GRIP1: variants seen among roughly 807,000 people sequenced by gnomAD.
GRIP1 encodes the protein glutamate receptor interacting protein 1, also known as glutamate receptor-interacting protein 1.
Under a neutral mutation model 129.9 loss-of-function variants are expected in GRIP1, and 45 were observed. The ratio of observed to expected loss-of-function variants is 0.35; its 90% CI spans 0.27 to 0.44. The LOEUF is 0.44. Among genes scored for constraint, GRIP1 ranks in the 20% least tolerant of loss-of-function variants. The pLI, the probability that GRIP1 is intolerant of heterozygous loss-of-function variation, is 1.00. For missense variants in GRIP1, 1,196 were observed against 1,396.8 expected (o/e 0.86, Z 2.29); for synonymous variants, 530 against 520.8 (o/e 1.02, Z -0.24).
intron 13 of GRIP1, among the ~76,000 whole-genome samples, chr12:66,434,139 A>G (rs903918338): frequency 6.6e-6 from 1 of 152,212 alleles, no homozygotes; most frequent in Non-Finnish European, 1.5e-5. Flanking sequence ...GTTTTGCCAT[A>G]CAGTGTTAAA....
intron 1 of GRIP1, among the ~76,000 whole-genome samples, chr12:66,801,737 A>G (rs1238380614): frequency 6.6e-6 from 1 of 152,138 alleles, no homozygotes; most frequent in African/African-American, 2.4e-5. Context: ...AACTGACAAG[A>G]CAGAGGGTTA....
chr12:66,773,902 T>C (rs534681253), intron 1 of GRIP1, among the ~76,000 whole-genome samples: 1 of 152,214 alleles, frequency 6.6e-6, no homozygotes, highest in African/African-American at 2.4e-5. Flanking sequence ...TTAGTTTAAG[T>C]GGACTCAAGA....
intron 1 of GRIP1, among the ~76,000 whole-genome samples, chr12:66,962,356 G>A (rs2041933422): frequency 6.6e-6 from 1 of 152,124 alleles, no homozygotes. Flanking sequence ...ATCGAGACAG[G>A]AAAAATGGGT....
At chr12:66,575,562 C>T (rs1016702719) in intron 2 of GRIP1, among the ~76,000 whole-genome samples, 3 of 152,126 alleles carry the variant, frequency 2.0e-5, no homozygotes, top group African/African-American at 7.2e-5. Context: ...AGAGTTCTTG[C>T]CACCATAATG....
intron 4 of GRIP1, among the ~76,000 whole-genome samples, chr12:66,535,274 A>T (rs1482592271): frequency 6.6e-6 from 1 of 152,180 alleles, no homozygotes; most frequent in Non-Finnish European, 1.5e-5. Flanking sequence ...ATAATCAAAG[A>T]GCATTAGCTC....
At chr12:66,626,340 C>CAA (rs112364955) in intron 1 of GRIP1, among the ~76,000 whole-genome samples, 1,980 of 141,122 alleles carry the variant, frequency 0.014, 52 homozygotes, top group African/African-American at 0.047. Flanking sequence ...ACCCCATCTC[C>CAA]AAAAAAAAAA....
intron 1 of GRIP1, among the ~76,000 whole-genome samples, chr12:66,829,286 T>C (rs535458294): frequency 6.6e-6 from 1 of 152,118 alleles, no homozygotes; most frequent in Non-Finnish European, 1.5e-5. Flanking sequence ...TGGAGTGACA[T>C]GGCCACAAGT....
chr12:66,963,095 G>A (rs1247204433), intron 1 of GRIP1, among the ~76,000 whole-genome samples: 1 of 152,010 alleles, frequency 6.6e-6, no homozygotes. Flanking sequence ...CGAGCTGCTT[G>A]AGCCCAGAGT....
At chr12:66,699,690 A>T (rs1417768167) in intron 1 of GRIP1, among the ~76,000 whole-genome samples, 2 of 152,334 alleles carry the variant, frequency 1.3e-5, no homozygotes, top group East Asian at 3.9e-4. Context: ...TATATAATGG[A>T]ATCAGGCAGA....
chr12:66,813,035 G>C (rs1175770781), intron 1 of GRIP1, among the ~76,000 whole-genome samples: 1 of 149,938 alleles, frequency 6.7e-6, no homozygotes, highest in Admixed American at 6.6e-5. Context: ...ATGAGGAGGT[G>C]TGTTAGTCTG....
intron 1 of GRIP1, among the ~76,000 whole-genome samples, chr12:66,950,886 C>T (rs2041746127): frequency 1.3e-5 from 2 of 152,182 alleles, no homozygotes; most frequent in Non-Finnish European, 2.9e-5. Flanking sequence ...ATAAAAGCTG[C>T]TTCTGAAGAA....
At chr12:66,433,952 C>T (rs2058225183) in intron 13 of GRIP1, among the ~76,000 whole-genome samples, 1 of 152,162 alleles carries the variant, frequency 6.6e-6, no homozygotes, top group Non-Finnish European at 1.5e-5. Flanking sequence ...ACATAGTTAA[C>T]ACATTTGAGT....
Position 66,973,919 on chromosome 12 carries a change from C to CTTTTTTTT in GRIP1, c.58+95123_58+95130dup, listed in dbSNP as rs535699240. ...AGTTAGAAGGCTTTTCTTTTCTTTT[C>CTTTTTTTT]TTTTTTTTTTTTTTTTTTGAGTCAG... On this transcript the variant is annotated intron_variant, in intron 1 of 1. Coordinates refer to the GRIP1 transcript ENST00000643019. 6.3e-3 allele frequency among the ~76,000 whole-genome samples: 766 copies of CTTTTTTTT among 121,074 alleles called. 3 individuals carry two copies. The highest frequency in any genetic ancestry group is 9.9e-3 in the Middle Eastern group (2 of 202). 79.4% of individuals were successfully genotyped at this position (121,074 alleles called of 152,430 possible).
At chr12:66,770,988 G>A (rs913585002) in intron 1 of GRIP1, among the ~76,000 whole-genome samples, 1 of 152,136 alleles carries the variant, frequency 6.6e-6, no homozygotes, top group East Asian at 1.9e-4. Context: ...AGCTACTCGG[G>A]AGGCTGAGGC....
intron 1 of GRIP1, among the ~76,000 whole-genome samples, chr12:66,697,873 G>T (rs1289239129): frequency 6.6e-6 from 1 of 152,018 alleles, no homozygotes; most frequent in Admixed American, 6.6e-5. Flanking sequence ...ATCAGCAAAT[G>T]CAAATCAAGA....
At chr12:66,758,927 A>T (rs1198251176) in intron 1 of GRIP1, among the ~76,000 whole-genome samples, 1 of 152,106 alleles carries the variant, frequency 6.6e-6, no homozygotes, top group Non-Finnish European at 1.5e-5. Flanking sequence ...ATGGGCTGGC[A>T]TTGAGTGTCT....
At chr12:66,473,978 G>A (rs139356914) in intron 7 of GRIP1, among the ~76,000 whole-genome samples, 1,763 of 152,208 alleles carry the variant, frequency 0.012, 23 homozygotes, top group Non-Finnish European at 0.019. Context: ...TACAGAGAAT[G>A]AGTTTGATGA....
intron 4 of GRIP1, among the ~76,000 whole-genome samples, chr12:66,535,201 G>T (rs12580219): frequency 6.6e-6 from 1 of 152,132 alleles, no homozygotes; most frequent in Non-Finnish European, 1.5e-5. Flanking sequence ...GCTATACTTA[G>T]AGTTTCTTTT....
intron 23 of GRIP1, among the ~76,000 whole-genome samples, chr12:66,362,871 C>T (rs1050930838): frequency 2.0e-5 from 3 of 151,734 alleles, no homozygotes; most frequent in Admixed American, 6.6e-5. Flanking sequence ...CTGCTTCTCT[C>T]GCTCAGAGCT....
Sources: gnomAD v4.1 joint callset for allele counts (sites outside exome capture counted in the v4.1 genomes callset) on GRCh38, gnomAD v4.1.1 for gene constraint, MANE v1.5 for transcripts, NCBI Gene and HGNC (gene_info 2026-07-23, HGNC 2026-07-21) for gene names.